PLCE1: variants seen among roughly 807,000 people sequenced by gnomAD.
PLCE1 encodes 1-phosphatidylinositol 4,5-bisphosphate phosphodiesterase epsilon-1.
PLCE1 carries 119 observed loss-of-function variants against 242.8 expected under a neutral mutation model. The observed-to-expected ratio is 0.49, with a 90% CI of 0.42 to 0.57. The LOEUF (loss-of-function observed/expected upper bound fraction) is 0.57. PLCE1 is among the 20% of genes least tolerant of loss of function. The probability of loss-of-function intolerance (pLI) is 0.00; values close to 1 mark genes in which losing one functional copy is unlikely to be tolerated. For missense variants in PLCE1, 2,441 were observed against 2,788.8 expected, an observed-to-expected ratio of 0.88 and a Z score of 2.81; for synonymous variants, 945 against 1,017.4, an observed-to-expected ratio of 0.93 and a Z score of 1.35.
rs1462717816 is a variant in PLCE1 at position 94,271,618 on chromosome 10, A to T, written c.4506+1016A>T. Among the ~76,000 whole-genome samples the T allele has an allele frequency of 5.3e-5, 8 of 152,224 alleles. No individual in the cohort carries two copies. In the East Asian group the frequency reaches 1.5e-3, roughly 29 times the overall value. ...CGTGAGGCACCGCACCCAGCCAAGA[A>T]GATCTTCTTATACCACAGTACAAAG... On this transcript the variant is annotated intron_variant, in intron 18 of 32. Coordinates refer to ENST00000371380, the MANE Select transcript of PLCE1 (RefSeq NM_016341.4).
intron 4 of PLCE1, among the ~76,000 whole-genome samples, chr10:94,178,088 G>A (rs2048180194): frequency 6.6e-6 from 1 of 152,024 alleles, no homozygotes. Flanking sequence ...CTGGTCCTTG[G>A]GATCGATCAC....
chr10:94,126,091 A>G (rs2046428233), intron 2 of PLCE1, among the ~76,000 whole-genome samples: 1 of 152,186 alleles, frequency 6.6e-6, no homozygotes, highest in Non-Finnish European at 1.5e-5. Context: ...CATGAGTCAC[A>G]AGGAACTGCA....
At chr10:94,029,128 A>C (rs1264243961) in intron 1 of PLCE1, among the ~76,000 whole-genome samples, 2 of 152,138 alleles carry the variant, frequency 1.3e-5, no homozygotes, top group African/African-American at 4.8e-5. Context: ...TTATAATTAT[A>C]ATAACAACAA....
At chr10:94,317,266 C>A (rs1471921474) in intron 29 of PLCE1, among the ~76,000 whole-genome samples, 1 of 151,972 alleles carries the variant, frequency 6.6e-6, no homozygotes, top group South Asian at 2.1e-4. Flanking sequence ...AAAAAAAAGA[C>A]AAGGAAATAT....
At chr10:94,176,782 A>G (rs745576038) in intron 4 of PLCE1, among the ~76,000 whole-genome samples, 1 of 152,204 alleles carries the variant, frequency 6.6e-6, no homozygotes, top group Non-Finnish European at 1.5e-5. Flanking sequence ...GCCAGAAGCT[A>G]TGAGACATGG....
intron 25 of PLCE1, among the ~76,000 whole-genome samples, chr10:94,305,539 C>T (rs2053171435): frequency 6.6e-6 from 1 of 152,202 alleles, no homozygotes; most frequent in Non-Finnish European, 1.5e-5. Flanking sequence ...AAGTACGACA[C>T]CCCCAAACCC....
chr10:94,078,886 T>C (rs2044578975), intron 2 of PLCE1, among the ~76,000 whole-genome samples: 1 of 152,144 alleles, frequency 6.6e-6, no homozygotes, highest in Non-Finnish European at 1.5e-5. Context: ...ACAATACCTC[T>C]AGGAGGTAGT....
rs1222533552 is a variant in PLCE1, at chr10:93,993,991, C to CTGGGCAACG, written c.-622_-614dup. On this transcript the variant is annotated 5_prime_UTR_variant, in exon 1 of 33. Coordinates refer to ENST00000371380, the MANE Select transcript of PLCE1 (RefSeq NM_016341.4). ...AACGGCGCGGGTCCACACGGTAACGCTGGGCAACGTGGGCAACGCGGCGGG... is the reference window on the plus strand; with the variant it reads ...AACGGCGCGGGTCCACACGGTAACGCTGGGCAACGTGGGCAACGTGGGCAACGCGGCGGG... Among the ~76,000 whole-genome samples the CTGGGCAACG allele has an allele frequency of 1.3e-5, 2 of 151,604 alleles. No individual in the cohort carries two copies. Among genetic ancestry groups the CTGGGCAACG allele is most frequent in the African/African-American group, 2.4e-5 (1 of 41,378 alleles).
intron 1 of PLCE1, among the ~76,000 whole-genome samples, chr10:94,011,400 T>G (rs1322302001): frequency 3.9e-5 from 6 of 152,080 alleles, no homozygotes; most frequent in Admixed American, 6.5e-5. Context: ...AGGCCCCACC[T>G]CCAACATTGG....
At chr10:94,099,525 C>G (rs138443677) in intron 2 of PLCE1, 1 of 152,154 alleles carries the variant, frequency 6.6e-6, no homozygotes. Context: ...TTATTTCTCT[C>G]GAACACATAT....
chr10:94,089,057 T>C, intron 2 of PLCE1: 14 of 1,604,582 alleles, frequency 8.7e-6, no homozygotes, highest in Non-Finnish European at 1.2e-5. Flanking sequence ...TTCACTGTGA[T>C]TTGAGATTGG....
intron 29 of PLCE1, among the ~76,000 whole-genome samples, chr10:94,319,768 G>A (rs1190286655): frequency 6.6e-6 from 1 of 151,798 alleles, no homozygotes; most frequent in East Asian, 1.9e-4. Flanking sequence ...AGGGATATAA[G>A]TGAGGGCTAT....
chr10:94,040,334 C>G (rs981245892), intron 2 of PLCE1, among the ~76,000 whole-genome samples: 1 of 152,098 alleles, frequency 6.6e-6, no homozygotes, highest in Admixed American at 6.5e-5. Context: ...TTTTTTTTCC[C>G]TCCTCCCTTT....
At chr10:94,071,145 C>A (rs951889633) in intron 2 of PLCE1, among the ~76,000 whole-genome samples, 1 of 152,126 alleles carries the variant, frequency 6.6e-6, no homozygotes, top group Non-Finnish European at 1.5e-5. Flanking sequence ...GTGAAATTAA[C>A]CCCTATTCCA....
rs757905871 is a variant in PLCE1 at position 94,246,115 on chromosome 10, G to A, written c.2590G>A (p.Gly864Arg). ...CGATGTGCACCAGTTCCTGCTGCAG[G>A]GGGCCACGGTCATCCACTACGACCA... ...QADVHQFLLQ[G>R]ATVIHYDQDT... is the part of the protein sequence containing the mutation. The change falls in exon 8 of 33, where the codon GGG becomes AGG. Residue 864 changes from glycine to arginine, a missense_variant. Physicochemically the swap from Gly to Arg is moderately radical, Grantham distance 125 (BLOSUM62 -2). This residue lies in a region of PLCE1 where 733 missense variants were observed against 754.2 expected (regional missense o/e 0.97). Transcript: ENST00000371380. 2 of 1,614,098 alleles carry A rather than the reference G, an allele frequency of 1.2e-6. No homozygotes were observed. Among genetic ancestry groups the A allele is most frequent in the Non-Finnish European group, 1.7e-6 (2 of 1,180,018 alleles).
At chr10:94,290,918 G>T (rs2052623731) in intron 22 of PLCE1, among the ~76,000 whole-genome samples, 1 of 152,148 alleles carries the variant, frequency 6.6e-6, no homozygotes, top group Non-Finnish European at 1.5e-5. Context: ...TGAGTAATGT[G>T]TTATGCTATG....
At chr10:94,310,582 A>T (rs765092179) in intron 27 of PLCE1, among the ~76,000 whole-genome samples, 1 of 152,132 alleles carries the variant, frequency 6.6e-6, no homozygotes, top group Non-Finnish European at 1.5e-5. Flanking sequence ...GAGGATTGAC[A>T]AGCAAGGGCA....
chr10:94,207,852 G>T (rs77380620), intron 4 of PLCE1, among the ~76,000 whole-genome samples: 3 of 152,084 alleles, frequency 2.0e-5, no homozygotes, highest in East Asian at 1.9e-4. Flanking sequence ...TAAATAAAGC[G>T]AGTAATGGAT....
In PLCE1 at chr10:94,330,862, T is replaced by C. The variant is rs1465782358; in HGVS notation, c.*2919T>C. The C allele has an allele frequency of 1.3e-5, 2 of 152,220 alleles. No individual in the cohort carries two copies. Among genetic ancestry groups the C allele is most frequent in the African/African-American group, 4.8e-5 (2 of 41,450 alleles). 9.4% of individuals were successfully genotyped at this position (152,220 alleles called of 1,614,324 possible). On this transcript the variant is annotated 3_prime_UTR_variant, in exon 33 of 33. Coordinates refer to ENST00000371380, the MANE Select transcript of PLCE1 (RefSeq NM_016341.4). ...TAAATAGCCACTATGACTATACCCA[T>C]TACCATTTCACACTTTTTAGGCCAC...
Sources: gnomAD v4.1 joint callset for allele counts (sites outside exome capture counted in the v4.1 genomes callset) on GRCh38, gnomAD v4.1.1 for gene constraint, gnomAD v4.1.1 regional missense constraint, MANE v1.5 for transcripts, NCBI Gene and HGNC (gene_info 2026-07-23, HGNC 2026-07-21) for gene names.